PRKG1: variants seen among roughly 807,000 people sequenced by gnomAD.
The protein encoded by PRKG1 is cGMP-dependent protein kinase 1.
In PRKG1, 35 loss-of-function variants were observed where a neutral mutation model predicts 88.1. The observed-to-expected ratio is 0.40, with a 90% CI of 0.30 to 0.53. The LOEUF (loss-of-function observed/expected upper bound fraction) is 0.53, where lower values mean the gene tolerates loss of function less well. PRKG1 is among the 20% of genes least tolerant of loss of function. The probability of loss-of-function intolerance (pLI) is 0.59; values close to 1 mark genes in which losing one functional copy is unlikely to be tolerated. For synonymous variants in PRKG1, 303 were observed against 292.5 expected, an observed-to-expected ratio of 1.04 and a Z score of -0.37; for missense variants, 540 against 839.8, an observed-to-expected ratio of 0.64 and a Z score of 4.41.
chr10:51,273,616 G>C (rs79746427), intron 2 of PRKG1, among the ~76,000 whole-genome samples: 1 of 152,206 alleles, frequency 6.6e-6, no homozygotes, highest in African/African-American at 2.4e-5. Context: ...GGCCAGCTCA[G>C]TCAAATGTAA....
chr10:51,500,802 C>CA (rs1164906292), intron 3 of PRKG1, among the ~76,000 whole-genome samples: 1 of 152,182 alleles, frequency 6.6e-6, no homozygotes, highest in African/African-American at 2.4e-5. Context: ...GCACAGGACT[C>CA]AAGCTTGGCC....
intron 1 of PRKG1, among the ~76,000 whole-genome samples, chr10:51,039,861 A>T (rs1843397541): frequency 6.6e-6 from 1 of 152,044 alleles, no homozygotes; most frequent in Non-Finnish European, 1.5e-5. Flanking sequence ...TCCATGATGC[A>T]TGTGTCGGAA....
chr10:52,031,987 AG>A (rs1845486172), intron 5 of PRKG1, among the ~76,000 whole-genome samples: 1 of 151,896 alleles, frequency 6.6e-6, no homozygotes, highest in African/African-American at 2.4e-5. Context: ...GTGTAGAGGG[AG>A]AGGGGGTATT....
intron 5 of PRKG1, among the ~76,000 whole-genome samples, chr10:51,918,770 C>T (rs1319177539): frequency 6.6e-6 from 1 of 152,086 alleles, no homozygotes; most frequent in Non-Finnish European, 1.5e-5. Flanking sequence ...ACGATGAGCT[C>T]CAAATTCCTT....
chr10:51,639,436 C>CA (rs769304908), intron 3 of PRKG1, among the ~76,000 whole-genome samples: 1 of 31,796 alleles, frequency 3.1e-5, no homozygotes, highest in South Asian at 1.7e-3. Flanking sequence ...GACTCCATCT[C>CA]AAAAAAAAAA....
intron 2 of PRKG1, among the ~76,000 whole-genome samples, chr10:51,210,247 A>C (rs1184081592): frequency 6.6e-6 from 1 of 152,198 alleles, no homozygotes; most frequent in East Asian, 1.9e-4. Context: ...GGCAGAAATA[A>C]AGGTGTTCTT....
intron 1 of PRKG1, among the ~76,000 whole-genome samples, chr10:51,109,100 A>G (rs184366528): frequency 2.4e-4 from 37 of 152,266 alleles, no homozygotes; most frequent in Non-Finnish European, 3.8e-4. Context: ...AAATAAGTAA[A>G]TGGAAATATA....
intron 3 of PRKG1, among the ~76,000 whole-genome samples, chr10:51,610,302 TC>T (rs1838873867): frequency 6.6e-6 from 1 of 152,124 alleles, no homozygotes; most frequent in South Asian, 2.1e-4. Context: ...ATACACCCTT[TC>T]CAGTCTCTGG....
chr10:51,691,294 GTTTTTC>G (rs1841135757), intron 3 of PRKG1, among the ~76,000 whole-genome samples: 1 of 149,058 alleles, frequency 6.7e-6, no homozygotes, highest in East Asian at 2.0e-4. Flanking sequence ...TGCTAAACAG[GTTTTTC>G]TTTTTATCTT....
In PRKG1 at chr10:51,392,136, T is replaced by TG. The variant is rs544346693; in HGVS notation, c.479-75587_479-75586insG. 2.0e-3 allele frequency among the ~76,000 whole-genome samples: 235 copies of TG among 118,640 alleles called. 1 individual carries two copies. Among genetic ancestry groups the TG allele is most frequent in the African/African-American group, 0.011 (231 of 20,586 alleles). 77.8% of individuals were successfully genotyped at this position (118,640 alleles called of 152,430 possible). ...ATGAACAGAATTTTTACATGATGAA[T>TG]TTTTTTTTTTTTTAATTGATCATTC... is the stretch of plus-strand genomic sequence containing the variant. On this transcript the variant is annotated intron_variant, in intron 2 of 17. Coordinates refer to ENST00000373980, the MANE Select transcript of PRKG1 (RefSeq NM_006258.4).
At chr10:52,074,298 A>G (rs1163580482) in intron 7 of PRKG1, among the ~76,000 whole-genome samples, 2 of 152,186 alleles carry the variant, frequency 1.3e-5, no homozygotes, top group Non-Finnish European at 2.9e-5. Context: ...TACATGAATG[A>G]CTGTTTATAG....
At chr10:51,253,527 T>C (rs1306908277) in intron 2 of PRKG1, among the ~76,000 whole-genome samples, 1 of 151,908 alleles carries the variant, frequency 6.6e-6, no homozygotes, top group African/African-American at 2.4e-5. Context: ...AACTCTGAGT[T>C]GGATGTTACA....
At chr10:52,024,664 C>G (rs1326520097) in intron 5 of PRKG1, among the ~76,000 whole-genome samples, 1 of 152,100 alleles carries the variant, frequency 6.6e-6, no homozygotes, top group African/African-American at 2.4e-5. Flanking sequence ...TGAACTCATC[C>G]TTTTTTATGG....
At chr10:51,340,340 G>A (rs1841977252) in intron 2 of PRKG1, among the ~76,000 whole-genome samples, 1 of 152,038 alleles carries the variant, frequency 6.6e-6, no homozygotes, top group African/African-American at 2.4e-5. Context: ...GTACTTAACT[G>A]ATGGACAAGG....
intron 3 of PRKG1, among the ~76,000 whole-genome samples, chr10:51,739,495 G>C (rs1410049461): frequency 1.3e-5 from 2 of 152,034 alleles, no homozygotes; most frequent in Admixed American, 6.6e-5. Context: ...CCATCTTCAT[G>C]GGTATTGCTC....
chr10:51,720,998 G>T (rs971736682), intron 3 of PRKG1, among the ~76,000 whole-genome samples: 4 of 151,958 alleles, frequency 2.6e-5, no homozygotes, highest in African/African-American at 9.7e-5. Flanking sequence ...CTTGAGGCCA[G>T]GAGTTTGAAG....
chr10:52,083,561 T>A (rs970202373), intron 7 of PRKG1, among the ~76,000 whole-genome samples: 4 of 152,108 alleles, frequency 2.6e-5, no homozygotes, highest in Non-Finnish European at 5.9e-5. Flanking sequence ...TTTACATGTT[T>A]AATTCCTATC....
At chr10:52,228,423 G>A (rs960894037) in intron 9 of PRKG1, among the ~76,000 whole-genome samples, 5 of 152,200 alleles carry the variant, frequency 3.3e-5, no homozygotes, top group African/African-American at 1.2e-4. Flanking sequence ...TAAACTCTTA[G>A]AGAAAATCTT....
chr10:51,417,642 A>G (rs568993861), intron 2 of PRKG1, among the ~76,000 whole-genome samples: 2 of 152,292 alleles, frequency 1.3e-5, no homozygotes, highest in East Asian at 3.9e-4. Context: ...TATCATTATT[A>G]AACGTGAGTT....
Sources: allele counts gnomAD v4.1 joint callset (sites outside exome capture counted in the v4.1 genomes callset), GRCh38; gene constraint gnomAD v4.1.1; transcripts MANE v1.5; gene names NCBI Gene and HGNC (gene_info 2026-07-23, HGNC 2026-07-21).